Variants in SCTR observed in about 807,000 individuals in gnomAD.
SCTR encodes the protein pancreatic secretin receptor.
In SCTR, 56 loss-of-function variants were observed where a neutral mutation model predicts 60.8. That is an observed-to-expected ratio of 0.92 (90% CI 0.74 to 1.15). The LOEUF is 1.15. Ranked by LOEUF, SCTR falls within the 50% of genes most tolerant of loss-of-function variation. The probability of loss-of-function intolerance (pLI) is 0.00; values close to 1 mark genes in which losing one functional copy is unlikely to be tolerated. For missense variants in SCTR, 562 were observed against 550.4 expected, an observed-to-expected ratio of 1.02 and a Z score of -0.21; for synonymous variants, 202 against 217.0, an observed-to-expected ratio of 0.93 and a Z score of 0.61.
Position 119,475,318 on chromosome 2 carries a change from G to A in SCTR, c.302-1762C>T, listed in dbSNP as rs77452483. On this transcript the variant is annotated intron_variant, in intron 3 of 12. Coordinates refer to ENST00000019103, the MANE Select transcript of SCTR (RefSeq NM_002980.3). ...AGAATCGAAGGTTATAAGACAGCGC[G>A]TGCCTAGAGGCTGGGCTCCCTGTGG... 2.9e-4 allele frequency among the ~76,000 whole-genome samples: 44 copies of A among 152,282 alleles called. 1 individual carries two copies. In the East Asian group the frequency reaches 7.7e-3, roughly 27 times the overall value.
chr2:119,524,053 G>A, intron 1 of SCTR, 102 bp downstream of exon 1: 1 of 846,704 alleles, frequency 1.2e-6, no homozygotes, highest in South Asian at 1.5e-5. Context: ...CTCATGGGAA[G>A]ATCTGCTAGT....
intron 11 of SCTR, among the ~76,000 whole-genome samples, chr2:119,442,948 T>C (rs1473020503): frequency 1.3e-5 from 2 of 152,026 alleles, no homozygotes; most frequent in South Asian, 2.1e-4. Flanking sequence ...AGGTGCTTCA[T>C]TTAACCTCGC....
Position 119,462,454 on chromosome 2 carries a change from C to T in SCTR, c.637-454G>A, listed in dbSNP as rs1467003079. ...GCAAACACATAATGAAGGGATGTGC[C>T]AACTCTGTTAGGAGGTACCACTGAT... On this transcript the variant is annotated intron_variant, in intron 6 of 12. Transcript: ENST00000019103. 3.9e-5 allele frequency among the ~76,000 whole-genome samples: 6 copies of T among 152,306 alleles called. No homozygotes were observed. The East Asian group carries it at 9.6e-4, about 24-fold the overall frequency.
intron 3 of SCTR, among the ~76,000 whole-genome samples, chr2:119,475,019 C>A (rs569005447): frequency 1.3e-5 from 2 of 152,354 alleles, no homozygotes; most frequent in South Asian, 4.1e-4. Context: ...ACCCACACTG[C>A]AAGAGTGAGC....
chr2:119,454,262 G>A (rs1418589640), intron 7 of SCTR, among the ~76,000 whole-genome samples: 1 of 152,200 alleles, frequency 6.6e-6, no homozygotes, highest in Non-Finnish European at 1.5e-5. Context: ...GGGGCAGGAG[G>A]ATGGTTTGAA....
intron 1 of SCTR, among the ~76,000 whole-genome samples, chr2:119,499,374 T>G (rs1027061861): frequency 3.0e-4 from 46 of 151,998 alleles, no homozygotes; most frequent in African/African-American, 1.1e-3. Flanking sequence ...ACAATCTAAT[T>G]AACGTTTATA....
At chr2:119,523,922 G>T (rs994079217) in intron 1 of SCTR, among the ~76,000 whole-genome samples, 1 of 152,126 alleles carries the variant, frequency 6.6e-6, no homozygotes, top group Non-Finnish European at 1.5e-5. Flanking sequence ...TGGGCACAGG[G>T]ATTCATCTTA....
At chr2:119,494,168 T>C (rs1287242455) in intron 2 of SCTR, among the ~76,000 whole-genome samples, 1 of 152,188 alleles carries the variant, frequency 6.6e-6, no homozygotes, top group African/African-American at 2.4e-5. Flanking sequence ...CAAGTCAGCA[T>C]GCAGAAGCTG....
At chr2:119,491,750 A>T (rs1678140908) in intron 2 of SCTR, among the ~76,000 whole-genome samples, 1 of 152,158 alleles carries the variant, frequency 6.6e-6, no homozygotes, top group Admixed American at 6.5e-5. Context: ...ACCTCAGGTG[A>T]TCCACCTGCC....
chr2:119,517,974 T>C (rs1310795095), intron 1 of SCTR, among the ~76,000 whole-genome samples: 1 of 152,156 alleles, frequency 6.6e-6, no homozygotes, highest in Non-Finnish European at 1.5e-5. Context: ...CCTGATCCTA[T>C]AGGATTAGTG....
intron 1 of SCTR, among the ~76,000 whole-genome samples, chr2:119,509,334 C>A (rs2104936885): frequency 6.6e-6 from 1 of 152,290 alleles, no homozygotes; most frequent in Non-Finnish European, 1.5e-5. Flanking sequence ...GAGATGTGTG[C>A]AATTGTTATG....
At chr2:119,451,026 AAAG>A (rs72140685) in intron 9 of SCTR, among the ~76,000 whole-genome samples, 3,086 of 152,330 alleles carry the variant, frequency 0.02, 116 homozygotes, top group African/African-American at 0.067. Context: ...TGTAATTAAA[AAAG>A]AATAAAAGAA....
intron 1 of SCTR, among the ~76,000 whole-genome samples, chr2:119,494,970 T>C (rs1275347676): frequency 6.6e-6 from 1 of 152,198 alleles, no homozygotes. Context: ...GGTCGTTCTC[T>C]GTCACTCAGG....
chr2:119,513,933 G>A (rs1006831492), intron 1 of SCTR, among the ~76,000 whole-genome samples: 1 of 152,042 alleles, frequency 6.6e-6, no homozygotes, highest in African/African-American at 2.4e-5. Flanking sequence ...ATTGAGTTTT[G>A]GTTTTGCTAC....
intron 1 of SCTR, among the ~76,000 whole-genome samples, chr2:119,511,967 A>G (rs1471702394): frequency 6.6e-6 from 1 of 152,146 alleles, no homozygotes; most frequent in African/African-American, 2.4e-5. Context: ...TCCAATTCTG[A>G]TTCCAAATCT....
At chr2:119,487,909 C>T (rs559208558) in intron 2 of SCTR, among the ~76,000 whole-genome samples, 2 of 152,224 alleles carry the variant, frequency 1.3e-5, no homozygotes, top group South Asian at 4.2e-4. Flanking sequence ...AGCAGCCCCT[C>T]CCCCCACACA....
intron 1 of SCTR, among the ~76,000 whole-genome samples, chr2:119,509,256 G>A (rs575523614): frequency 2.0e-5 from 3 of 152,232 alleles, no homozygotes; most frequent in South Asian, 4.2e-4. Flanking sequence ...GCCCAGCCTG[G>A]ATCAATCACA....
In SCTR at chr2:119,448,972, G is replaced by C. The variant is rs547300991; in HGVS notation, c.922-192C>G. 8.5e-5 allele frequency among the ~76,000 whole-genome samples: 13 copies of C among 152,218 alleles called. No homozygotes were observed. The East Asian group carries it at 2.3e-3, about 27-fold the overall frequency. On this transcript the variant is annotated intron_variant, in intron 9 of 12. Transcript: ENST00000019103. ...TGGTGAAACACTGTCTAGAGTCCAT[G>C]GCTGGAGGCAGCACTCCCTCCTGCC...
At chr2:119,524,046 A>T in intron 1 of SCTR, 109 bp downstream of exon 1, 1 of 810,080 alleles carries the variant, frequency 1.2e-6, no homozygotes, top group Non-Finnish European at 2.1e-6. Flanking sequence ...CCTATTCCTC[A>T]TGGGAAGATC....
Sources: allele counts gnomAD v4.1 joint callset (sites outside exome capture counted in the v4.1 genomes callset), GRCh38; gene constraint gnomAD v4.1.1; transcripts MANE v1.5; gene names NCBI Gene and HGNC (gene_info 2026-07-23, HGNC 2026-07-21).